GRID2: variants seen among roughly 807,000 people sequenced by gnomAD.
GRID2 encodes the protein glutamate receptor ionotropic, delta-2.
GRID2 carries 33 observed loss-of-function variants against 114.8 expected under a neutral mutation model. The ratio of observed to expected loss-of-function variants is 0.29; its 90% CI spans 0.22 to 0.38. The LOEUF is 0.38. Ranked by LOEUF, GRID2 falls within the 10% of genes least tolerant of loss-of-function variation. The pLI, the probability that GRID2 is intolerant of heterozygous loss-of-function variation, is 1.00. For missense variants in GRID2, 1,184 were observed against 1,257.7 expected (o/e 0.94, Z 0.89); for synonymous variants, 505 against 449.9 (o/e 1.12, Z -1.55).
At position 93,058,940 on chromosome 4, in the gene GRID2, CA is replaced by C. The variant is rs1212192903; in HGVS notation, c.245-26054del. On this transcript the variant is annotated intron_variant, in intron 2 of 15. Transcript: ENST00000282020. ...TTGTATCAGAATGCTAGTAATACTT[CA>C]GCAAAACAGGTGTGTATTCAATCTG... 2.0e-5 allele frequency among the ~76,000 whole-genome samples: 3 copies of C among 151,998 alleles called. No individual in the cohort carries two copies. The East Asian group carries it at 5.8e-4, about 29-fold the overall frequency.
intron 8 of GRID2, among the ~76,000 whole-genome samples, chr4:93,395,028 A>G (rs1765199281): frequency 6.6e-6 from 1 of 152,038 alleles, no homozygotes; most frequent in Non-Finnish European, 1.5e-5. Flanking sequence ...TTTAAGGGAA[A>G]GGCTGCTGCC....
intron 1 of GRID2, among the ~76,000 whole-genome samples, chr4:92,518,131 C>T (rs2149137257): frequency 6.6e-6 from 1 of 151,854 alleles, no homozygotes; most frequent in East Asian, 2.0e-4. Context: ...TTCTCTCTCC[C>T]TTTTCTTCTC....
intron 2 of GRID2, among the ~76,000 whole-genome samples, chr4:92,729,918 CAAAG>C (rs1560558652): frequency 6.6e-6 from 1 of 151,748 alleles, no homozygotes; most frequent in East Asian, 1.9e-4. Context: ...AACAAGAAAA[CAAAG>C]CAAGCAAAGA....
chr4:93,451,043 T>G (rs1358299791), intron 10 of GRID2, among the ~76,000 whole-genome samples: 1 of 152,008 alleles, frequency 6.6e-6, no homozygotes, highest in Non-Finnish European at 1.5e-5. Flanking sequence ...ATGGAAGAGA[T>G]TTATAATAAT....
intron 1 of GRID2, among the ~76,000 whole-genome samples, chr4:92,388,468 GT>G (rs1412719772): frequency 1.3e-5 from 2 of 151,894 alleles, no homozygotes; most frequent in Non-Finnish European, 2.9e-5. Context: ...TCTTCTGAAG[GT>G]TAATGTAATT....
At chr4:93,407,486 T>C (rs1236270043) in intron 9 of GRID2, among the ~76,000 whole-genome samples, 1 of 152,112 alleles carries the variant, frequency 6.6e-6, no homozygotes, top group Non-Finnish European at 1.5e-5. Flanking sequence ...GGTTTTAAGG[T>C]GTTATTTTCA....
chr4:93,066,456 A>G (rs1248696701), intron 2 of GRID2, among the ~76,000 whole-genome samples: 1 of 151,874 alleles, frequency 6.6e-6, no homozygotes, highest in African/African-American at 2.4e-5. Context: ...TTTCCATGCT[A>G]TTTATAATTC....
intron 11 of GRID2, among the ~76,000 whole-genome samples, chr4:93,458,499 T>G (rs1268990171): frequency 1.3e-5 from 2 of 152,194 alleles, no homozygotes; most frequent in East Asian, 3.9e-4. Context: ...CACAGCATGG[T>G]AGTTGCTTTC....
chr4:92,940,676 C>T (rs974171065), intron 2 of GRID2, among the ~76,000 whole-genome samples: 7 of 152,044 alleles, frequency 4.6e-5, no homozygotes, highest in Non-Finnish European at 7.3e-5. Flanking sequence ...CCAGGTTTTG[C>T]CCATTCAGTA....
At chr4:93,434,132 A>G (rs1720840152) in intron 10 of GRID2, among the ~76,000 whole-genome samples, 1 of 152,234 alleles carries the variant, frequency 6.6e-6, no homozygotes, top group African/African-American at 2.4e-5. Context: ...GAATTCAAGA[A>G]TGTGTTGCAG....
chr4:92,600,065 T>A (rs1234789321), intron 2 of GRID2, among the ~76,000 whole-genome samples: 2 of 127,344 alleles, frequency 1.6e-5, no homozygotes, highest in South Asian at 2.5e-4. Flanking sequence ...TATATATATA[T>A]ATATATATAT....
At chr4:92,844,696 A>G (rs1743165815) in intron 2 of GRID2, among the ~76,000 whole-genome samples, 1 of 144,956 alleles carries the variant, frequency 6.9e-6, no homozygotes, top group Non-Finnish European at 1.5e-5. Context: ...ACAGAGCAAG[A>G]CTCTGTCTCA....
At chr4:93,301,170 T>A (rs1358958831) in intron 8 of GRID2, among the ~76,000 whole-genome samples, 1 of 152,218 alleles carries the variant, frequency 6.6e-6, no homozygotes, top group African/African-American at 2.4e-5. Flanking sequence ...AACATATATA[T>A]GAAGCATTTT....
intron 1 of GRID2, among the ~76,000 whole-genome samples, chr4:92,314,475 T>G (rs189547217): frequency 2.6e-5 from 4 of 152,196 alleles, no homozygotes; most frequent in Admixed American, 1.3e-4. Context: ...TTGGAAACAT[T>G]TTTTTAAAAA....
At chr4:92,547,377 A>G (rs1167888344) in intron 1 of GRID2, among the ~76,000 whole-genome samples, 1 of 152,166 alleles carries the variant, frequency 6.6e-6, no homozygotes, top group Non-Finnish European at 1.5e-5. Flanking sequence ...GAAAATATAT[A>G]CTCAGTACAT....
In GRID2 at chr4:93,378,606, A is replaced by G. The variant is rs1245263290; in HGVS notation, c.1246-17001A>G. Among the ~76,000 whole-genome samples, 7 of 152,064 alleles carry G rather than the reference A, an allele frequency of 4.6e-5. No individual in the cohort carries two copies. The East Asian group carries it at 1.3e-3, about 29-fold the overall frequency. On this transcript the variant is annotated intron_variant, in intron 8 of 15. Coordinates refer to ENST00000282020, the MANE Select transcript of GRID2 (RefSeq NM_001510.4). Reference sequence around the variant, plus strand: ...TAAACACCTGTGATGGGATTCTGCTATTGATATTTAAGTGGATATTTATTA... The same window carrying G: ...TAAACACCTGTGATGGGATTCTGCTGTTGATATTTAAGTGGATATTTATTA...
At chr4:93,238,623 G>GCC in intron 8 of GRID2, 133 bp downstream of exon 8, 14 of 531,702 alleles carry the variant, frequency 2.6e-5, no homozygotes, top group East Asian at 1.6e-4. Context: ...GGGGTGAGGG[G>GCC]AAATTAGGCA....
intron 4 of GRID2, among the ~76,000 whole-genome samples, chr4:93,193,059 T>C: frequency 6.6e-6 from 1 of 152,186 alleles, no homozygotes; most frequent in Non-Finnish European, 1.5e-5. Flanking sequence ...TATGTCCTTG[T>C]CCTTAATTAG....
At chr4:92,816,318 CAA>C (rs764487348) in intron 2 of GRID2, among the ~76,000 whole-genome samples, 3 of 48,250 alleles carry the variant, frequency 6.2e-5, no homozygotes, top group Admixed American at 2.2e-4. Context: ...TCTGTCTCAC[CAA>C]AAAAAAAAAA....
Sources: gnomAD v4.1 joint callset for allele counts (sites outside exome capture counted in the v4.1 genomes callset) on GRCh38, gnomAD v4.1.1 for gene constraint, MANE v1.5 for transcripts, NCBI Gene and HGNC (gene_info 2026-07-23, HGNC 2026-07-21) for gene names.